The following ASPM variants were observed in gnomAD, a reference collection of about 807,000 sequenced individuals.
The protein encoded by ASPM is assembly factor for spindle microtubules, also known as abnormal spindle-like microcephaly-associated protein.
In ASPM, 256 loss-of-function variants were observed where a neutral mutation model predicts 366.4. That is an observed-to-expected ratio of 0.70 (90% CI 0.63 to 0.77). The LOEUF is 0.77. Among genes scored for constraint, ASPM ranks in the 30% least tolerant of loss-of-function variants. The probability of loss-of-function intolerance (pLI) is 0.00; values close to 1 mark genes in which losing one functional copy is unlikely to be tolerated. For missense variants in ASPM, 4,146 were observed against 4,090.4 expected (o/e 1.01, Z -0.37); for synonymous variants, 1,414 against 1,342.9 (o/e 1.05, Z -1.16).
chr1:197,106,717 T>C (rs1207298967), intron 17 of ASPM, among the ~76,000 whole-genome samples: 1 of 152,096 alleles, frequency 6.6e-6, no homozygotes, highest in African/African-American at 2.4e-5. Flanking sequence ...TAGCTTTTAC[T>C]AAGGAACACA....
In ASPM at chr1:197,121,981, T is replaced by C. The variant is rs142766262; in HGVS notation, c.3804A>G (p.Arg1268=). 4.6e-5 allele frequency: 74 copies of C among 1,611,556 alleles called. No homozygotes were observed. The highest frequency in any genetic ancestry group is 3.3e-4 in the Middle Eastern group (2 of 6,072). The change falls in exon 16 of 28, where the codon AGA becomes AGG. Residue 1268 remains arginine (R), a synonymous_variant. Transcript: ENST00000367409. The part of the protein sequence containing the change: ...ARLLDLRKEI[R]AARLIQTTWR... Reference sequence around the variant, plus strand: ...ATGTTGTTTGTATGAGTCGAGCAGCTCTTATTTCTTTACGAAGATCCAAAA... The same window carrying C: ...ATGTTGTTTGTATGAGTCGAGCAGCCCTTATTTCTTTACGAAGATCCAAAA...
rs200800781 is a variant in ASPM at position 197,090,102 on chromosome 1, C to A, written c.9830-18G>T. 1,979 of 1,560,192 alleles carry A rather than the reference C, an allele frequency of 1.3e-3. 2 individuals are homozygous for A. The highest frequency in any genetic ancestry group is 9.5e-4 in the South Asian group (84 of 88,396). On this transcript the variant is annotated intron_variant, in intron 24 of 27. Transcript: ENST00000367409. ...AACTACCTCTGAAAGAAAAAAAAAA[C>A]ACACACACACAGGTAAATTTACAGC...
intron 4 of ASPM, among the ~76,000 whole-genome samples, chr1:197,135,623 CTTTTTTTTTTT>C (rs778898963): frequency 2.9e-5 from 2 of 69,820 alleles, no homozygotes; most frequent in Non-Finnish European, 2.9e-5. Flanking sequence ...AAATATCTGT[CTTTTTTTTTTT>C]TTTTTTTTTT....
Position 197,102,094 on chromosome 1 carries a change from T to C in ASPM, c.7157A>G (p.His2386Arg), listed in dbSNP as rs137890991. 577 of 1,612,730 alleles carry C rather than the reference T, an allele frequency of 3.6e-4. No homozygotes were observed. Among genetic ancestry groups the C allele is most frequent in the Non-Finnish European group, 4.6e-4 (543 of 1,179,270 alleles). ...TGCAGCCTGAAGGATCACAGCAGAGTGTCTTTGTCTGAGATAATGCTGCCT... is the reference window on the plus strand; with the variant it reads ...TGCAGCCTGAAGGATCACAGCAGAGCGTCTTTGTCTGAGATAATGCTGCCT... ...LQRQHYLRQR[H>R]SAVILQAAFR... The change falls in exon 18 of 28, where the codon CAC becomes CGC. Residue 2386 changes from histidine to arginine, a missense_variant. By Grantham distance (29) the His-to-Arg change is conservative. Coordinates refer to ENST00000367409, the MANE Select transcript of ASPM (RefSeq NM_018136.5).
chr1:197,129,425 G>T, intron 8 of ASPM, 108 bp from the exon 9 acceptor site: 1 of 1,242,522 alleles, frequency 8.0e-7, no homozygotes, highest in African/African-American at 1.5e-5. Context: ...AAAAGTGTAG[G>T]GTAGCAAGCA....
chr1:197,115,781 T>C lies in ASPM; in HGVS notation c.4065+2008A>G, dbSNP rs1657719939. Among the ~76,000 whole-genome samples the C allele has an allele frequency of 3.9e-5, 6 of 152,194 alleles. No homozygotes were observed. In the South Asian group the frequency reaches 1.2e-3, roughly 31 times the overall value. The stretch of plus-strand genomic sequence containing the variant: ...ACTTAGAATATTCAGTAAACCCTGC[T>C]ATAAACAAATGTGCTGTTATCCAGA... On this transcript the variant is annotated intron_variant, in intron 17 of 27. Transcript: ENST00000367409.
intron 19 of ASPM, 108 bp from the exon 20 acceptor site, chr1:197,094,288 G>A: frequency 5.8e-6 from 4 of 685,086 alleles, no homozygotes; most frequent in Admixed American, 2.7e-5. Context: ...ATATAAGAAA[G>A]GCAATGACAG....
At chr1:197,094,279 T>C (rs1656891728) in intron 19 of ASPM, 99 bp from the exon 20 acceptor site, 2 of 726,900 alleles carry the variant, frequency 2.8e-6, no homozygotes, top group Non-Finnish European at 2.4e-6. Context: ...GAGAATAAAA[T>C]ATAAGAAAGG....
In ASPM at chr1:197,135,159, T is replaced by A; in HGVS notation, c.2110A>T (p.Thr704Ser). The change falls in exon 5 of 28, where the codon ACT (threonine) becomes TCT (serine). Residue 704 changes from threonine (T) to serine (S), a missense_variant. Coordinates refer to ENST00000367409, the MANE Select transcript of ASPM (RefSeq NM_018136.5). Reference sequence around the variant, plus strand: ...GTTAATATAAAATTTAACCACCAAGTGAAGCCCTGTTCCTGCTTTTCCTTC... The same window carrying A: ...GTTAATATAAAATTTAACCACCAAGAGAAGCCCTGTTCCTGCTTTTCCTTC... ...RWKEKQEQGF[T>S]WWLNFILTPD... 6.2e-7 allele frequency: 1 copy of A among 1,613,144 alleles called. No homozygotes were observed. The highest frequency in any genetic ancestry group is 8.5e-7 in the Non-Finnish European group (1 of 1,179,134).
intron 4 of ASPM, among the ~76,000 whole-genome samples, chr1:197,135,623 C>CTT (rs778898963): frequency 0.015 from 1,070 of 69,150 alleles, 23 homozygotes; most frequent in African/African-American, 0.045. Flanking sequence ...AAATATCTGT[C>CTT]TTTTTTTTTT....
At chr1:197,125,265 T>C (rs1279291967) in intron 10 of ASPM, 74 bp from the exon 11 acceptor site, 28 of 1,535,360 alleles carry the variant, frequency 1.8e-5, no homozygotes, top group African/African-American at 2.7e-5. Flanking sequence ...GAAATATAGT[T>C]ATTTCCCACA....
rs971340098 is a variant in ASPM at position 197,105,055 on chromosome 1, G to C, written c.4196C>G (p.Thr1399Arg). 5 of 1,609,998 alleles carry C rather than the reference G, an allele frequency of 3.1e-6. No individual in the cohort carries two copies. The highest frequency in any genetic ancestry group is 4.2e-6 in the Non-Finnish European group (5 of 1,177,582). ...SYKRYLWATVTIQRHWRAYLR... is the reference protein window; with the variant it reads ...SYKRYLWATVRIQRHWRAYLR... ...ATAAGCACGCCAATGCCTCTGAATT[G>C]TAACTGTAGCCCAAAGATATCGTTT... Residue 1399 changes from threonine to arginine, a missense_variant, in exon 18 of 28, where the codon ACA becomes AGA. This residue lies in a region of ASPM where 3,624 missense variants were observed against 3,591.7 expected (regional missense o/e 1.01). Transcript: ENST00000367409.
chr1:197,141,452 A>G (rs1328140193), intron 3 of ASPM, among the ~76,000 whole-genome samples: 1 of 152,164 alleles, frequency 6.6e-6, no homozygotes, highest in Non-Finnish European at 1.5e-5. Flanking sequence ...ACCTATATCA[A>G]TTGTGAAAAT....
chr1:197,128,532 A>G lies in ASPM; in HGVS notation c.2894T>C (p.Val965Ala). 4 of 1,613,932 alleles carry G rather than the reference A, an allele frequency of 2.5e-6. No individual in the cohort carries two copies. Among genetic ancestry groups the G allele is most frequent in the Non-Finnish European group, 3.4e-6 (4 of 1,179,846 alleles). The change falls in exon 10 of 28, where the codon GTT becomes GCT. Residue 965 changes from valine to alanine, a missense_variant. By Grantham distance (64) the Val-to-Ala change is moderately conservative (BLOSUM62 0). Coordinates refer to ENST00000367409, the MANE Select transcript of ASPM (RefSeq NM_018136.5). ...QTPFDEFDFA[V>A]TNLAVDLQCG... is the part of the protein sequence containing the mutation. ...TTGCAAGTCTACGGCAAGATTTGTA[A>G]CGGCAAAATCAAATTCATCAAATGG...
intron 4 of ASPM, among the ~76,000 whole-genome samples, chr1:197,136,836 T>C (rs1658433098): frequency 6.6e-6 from 1 of 152,092 alleles, no homozygotes; most frequent in South Asian, 2.1e-4. Context: ...ACTTATAAAA[T>C]TAAAAGTTAT....
chr1:197,094,175 A>C lies in ASPM; in HGVS notation c.8993T>G (p.Leu2998Trp), dbSNP rs768027925. 2 of 1,596,908 alleles carry C rather than the reference A, an allele frequency of 1.3e-6. No homozygotes were observed. Among genetic ancestry groups the C allele is most frequent in the Non-Finnish European group, 1.7e-6 (2 of 1,167,364 alleles). Residue 2998 changes from leucine (L) to tryptophan (W), a missense_variant, in exon 20 of 28, where the codon TTG (leucine) becomes TGG (tryptophan). Transcript: ENST00000367409. ...GATAATTGCTGATGCTCTCACATTC[A>C]AAAACCTAAAAAGTAGTTATTGGAA... ...FYTKLERTRF[L>W]NVRASAIIIQ...
rs747783747 is a variant in ASPM, at chr1:197,101,189, T to A, written c.8062A>T (p.Met2688Leu). The change falls in exon 18 of 28, where the codon ATG (methionine) becomes TTG (leucine). Residue 2688 changes from methionine (M) to leucine (L), a missense_variant. Around this residue, in one of 3 missense-constraint regions of ASPM, gnomAD observed 3,624 missense variants for 3,591.7 expected, o/e 1.01. Transcript: ENST00000367409. ...TGAATTAGTGTGGCAGCCCGGTGCA[T>A]ATTTTGAATATCCTTTCGTACTTTA... ...GFKVRKDIQN[M>L]HRAATLIQSF... 3.7e-6 allele frequency: 6 copies of A among 1,612,292 alleles called. No homozygotes were observed. In the Admixed American group the frequency reaches 8.4e-5, roughly 23 times the overall value.
chr1:197,121,769 C>A, intron 16 of ASPM, 146 bp downstream of exon 16: 1 of 1,022,290 alleles, frequency 9.8e-7, no homozygotes, highest in East Asian at 2.6e-5. Flanking sequence ...CTCATACCTC[C>A]CCAACCCAAA....
chr1:197,143,293 G>A lies in ASPM; in HGVS notation c.959C>T (p.Ser320Phe). 6.2e-7 allele frequency: 1 copy of A among 1,613,638 alleles called. No individual in the cohort carries two copies. The highest frequency in any genetic ancestry group is 8.5e-7 in the Non-Finnish European group (1 of 1,179,674). Residue 320 changes from serine (S) to phenylalanine (F), a missense_variant, in exon 3 of 28, where the codon TCT (serine) becomes TTT (phenylalanine). By Grantham distance (155) the Ser-to-Phe change is radical (BLOSUM62 -2). This residue lies in a region of ASPM where 512 missense variants were observed against 471.7 expected (regional missense o/e 1.09). Transcript: ENST00000367409. Reference protein sequence around the residue: ...QSQIHFLSPDSFVNNSHGANN... With the variant: ...QSQIHFLSPDFFVNNSHGANN... ...AGCTCCATGACTATTATTTACAAAA[G>A]AATCTGGACTTAGAAAATGTATTTG...
Sources: gnomAD v4.1 joint callset for allele counts (sites outside exome capture counted in the v4.1 genomes callset) on GRCh38, gnomAD v4.1.1 for gene constraint, gnomAD v4.1.1 regional missense constraint, MANE v1.5 for transcripts, NCBI Gene and HGNC (gene_info 2026-07-23, HGNC 2026-07-21) for gene names.